The following RERE variants were observed in gnomAD, a reference collection of about 807,000 sequenced individuals.
RERE encodes the protein arginine-glutamic acid dipeptide repeats.
A neutral mutation model predicts 146.1 loss-of-function variants in RERE; 40 were observed. The ratio of observed to expected loss-of-function variants is 0.27; its 90% CI spans 0.21 to 0.36. The LOEUF is 0.36. Ranked by LOEUF, RERE falls within the 10% of genes least tolerant of loss-of-function variation. RERE has a pLI of 1.00. For synonymous variants in RERE, 1,003 were observed against 866.0 expected (o/e 1.16, Z -2.78); for missense variants, 1,933 against 2,138.7 (o/e 0.90, Z 1.90).
chr1:8,746,625 A>T (rs1640425939), intron 1 of RERE, among the ~76,000 whole-genome samples: 1 of 152,006 alleles, frequency 6.6e-6, no homozygotes, highest in Admixed American at 6.6e-5. Context: ...ACAAAATTCT[A>T]AGTCAAAGAA....
intron 1 of RERE, among the ~76,000 whole-genome samples, chr1:8,774,984 A>C (rs1641037553): frequency 1.0e-5 from 1 of 99,962 alleles, no homozygotes; most frequent in Non-Finnish European, 1.8e-5. Context: ...TTTTTTTTGA[A>C]ACAGTCTCAC....
intron 1 of RERE, among the ~76,000 whole-genome samples, chr1:8,729,264 C>G (rs1369615953): frequency 7.1e-6 from 1 of 141,244 alleles, no homozygotes; most frequent in Non-Finnish European, 1.5e-5. Context: ...CGCTCTGTTG[C>G]CCAGGCTGGA....
Position 8,580,084 on chromosome 1 carries a change from T to G in RERE, c.523-22561A>C, listed in dbSNP as rs531363344. On this transcript the variant is annotated intron_variant, in intron 4 of 22. Coordinates refer to ENST00000400908, the MANE Select transcript of RERE (RefSeq NM_001042681.2). Reference sequence around the variant, plus strand: ...ATCAACAGTAAAATCGAAGGACACTTAGAAAATTAACTGACATTATAGACA... The same window carrying G: ...ATCAACAGTAAAATCGAAGGACACTGAGAAAATTAACTGACATTATAGACA... Among the ~76,000 whole-genome samples the G allele has an allele frequency of 7.9e-4, 120 of 152,304 alleles. 1 individual carries two copies. Among genetic ancestry groups the G allele is most frequent in the African/African-American group, 2.8e-3 (118 of 41,564 alleles).
At chr1:8,437,501 A>G (rs1644186744) in intron 11 of RERE, among the ~76,000 whole-genome samples, 1 of 152,148 alleles carries the variant, frequency 6.6e-6, no homozygotes, top group African/African-American at 2.4e-5. Flanking sequence ...ATCCCCATGC[A>G]GAATGGCTGT....
chr1:8,760,031 T>C (rs571277655), intron 1 of RERE, among the ~76,000 whole-genome samples: 1 of 152,266 alleles, frequency 6.6e-6, no homozygotes, highest in South Asian at 2.1e-4. Flanking sequence ...TTTAGTTTTG[T>C]TTTGTTTTTT....
intron 8 of RERE, among the ~76,000 whole-genome samples, chr1:8,501,223 C>G (rs1454489859): frequency 8.3e-5 from 11 of 131,768 alleles, no homozygotes; most frequent in Non-Finnish European, 3.3e-5. Context: ...GTCAGCCCCC[C>G]GCCCGGCCGG....
chr1:8,359,697 C>G, intron 19 of RERE, 67 bp downstream of exon 19: 1 of 1,538,772 alleles, frequency 6.5e-7, no homozygotes, highest in Non-Finnish European at 8.8e-7. Context: ...GCTCGGTGGC[C>G]CAGCGTGGCT....
chr1:8,583,730 T>C (rs1007626236), intron 4 of RERE, among the ~76,000 whole-genome samples: 2 of 151,496 alleles, frequency 1.3e-5, no homozygotes, highest in Non-Finnish European at 2.9e-5. Context: ...AAAAAGAAGA[T>C]CCAAATGAAA....
chr1:8,807,526 A>G (rs1401582068), intron 1 of RERE, among the ~76,000 whole-genome samples: 1 of 152,058 alleles, frequency 6.6e-6, no homozygotes, highest in Non-Finnish European at 1.5e-5. Context: ...CCAGACCAAC[A>G]AGAGGTCTTG....
chr1:8,752,412 G>A (rs1640558156), intron 1 of RERE, among the ~76,000 whole-genome samples: 1 of 151,968 alleles, frequency 6.6e-6, no homozygotes, highest in African/African-American at 2.4e-5. Flanking sequence ...GATACGGAAG[G>A]CATTAAACTA....
At chr1:8,786,437 A>G in intron 1 of RERE, 1 of 883,396 alleles carries the variant, frequency 1.1e-6, no homozygotes, top group East Asian at 2.4e-5. Context: ...TTATCTGTCA[A>G]AGCAATTTGT....
rs752625239 is a variant in RERE at position 8,360,287 on chromosome 1, C to T, written c.3220G>A (p.Ala1074Thr). ...CCCGCTATGCTGCCTCCTGAAGCCGCCGCACCAGAGCAGGGTGGCTGGGCC... is the reference window on the plus strand; with the variant it reads ...CCCGCTATGCTGCCTCCTGAAGCCGTCGCACCAGAGCAGGGTGGCTGGGCC... The part of the protein sequence containing the change: ...TSAQPPCSGA[A>T]ASGGSIAGGS... Residue 1074 changes from alanine (A) to threonine (T), a missense_variant, in exon 18 of 23, where the codon GCG becomes ACG. Ala to Thr is a moderately conservative substitution (Grantham distance 58). Coordinates refer to ENST00000400908, the MANE Select transcript of RERE (RefSeq NM_001042681.2). 1.3e-6 allele frequency: 2 copies of T among 1,560,368 alleles called. No homozygotes were observed. Among genetic ancestry groups the T allele is most frequent in the Admixed American group, 3.7e-5 (2 of 53,780 alleles).
At chr1:8,591,597 A>C (rs1018331214) in intron 4 of RERE, among the ~76,000 whole-genome samples, 2 of 152,202 alleles carry the variant, frequency 1.3e-5, no homozygotes, top group African/African-American at 4.8e-5. Flanking sequence ...AATTATCCAC[A>C]GGACGACAAC....
rs574834874 is a variant in RERE, at chr1:8,715,621, C to T, written c.-144-59180G>A. On this transcript the variant is annotated intron_variant, in intron 1 of 22. Coordinates refer to ENST00000400908, the MANE Select transcript of RERE (RefSeq NM_001042681.2). ...AAAGTAGAAGATATATAAAAGGTGA[C>T]GGGCTGGCAAGGAGGCTCACATCTG... Among the ~76,000 whole-genome samples the T allele has an allele frequency of 5.0e-4, 76 of 151,942 alleles. 2 individuals carry two copies. The South Asian group carries it at 0.015, about 30-fold the overall frequency.
intron 11 of RERE, among the ~76,000 whole-genome samples, chr1:8,441,038 A>T (rs1414289700): frequency 6.6e-6 from 1 of 151,446 alleles, no homozygotes; most frequent in Non-Finnish European, 1.5e-5. Flanking sequence ...TTGCTTTATT[A>T]TGTGACCTCA....
Position 8,423,714 on chromosome 1 carries a change from G to A in RERE, c.1204-907C>T. ...GCCGCGGGTGGCTCGGCGTGTGACC[G>A]CGGCGGGGCCGCGCGGCGCGGGGCC... On this transcript the variant is annotated intron_variant, in intron 11 of 22. Transcript: ENST00000400908. The surrounding 1 kb of genome is among the most constrained non-coding windows in gnomAD (Gnocchi z 5.4). 1 of 980,246 alleles carries A rather than the reference G, an allele frequency of 1.0e-6. No individual in the cohort carries two copies. The highest frequency in any genetic ancestry group is 4.7e-5 in the South Asian group (1 of 21,348). The allele number at this position is 980,246 out of a possible 1,614,324, so 60.7% of individuals were successfully genotyped here. A position where few individuals can be genotyped will look rare whatever the true frequency, so the allele number is the denominator to read the frequency against.
rs150497092 is a variant in RERE at position 8,498,732 on chromosome 1, T to TATATACACACACAC, written c.880-1204_880-1203insGTGTGTGTGTATAT. On this transcript the variant is annotated intron_variant, in intron 8 of 22. Transcript: ENST00000400908. ...AAATAAAAAAAAAAAAATAAATATA[T>TATATACACACACAC]ACACACACACACACACACACACACA... 1.0e-3 allele frequency among the ~76,000 whole-genome samples: 112 copies of TATATACACACACAC among 107,826 alleles called. 2 individuals are homozygous for TATATACACACACAC. Among genetic ancestry groups the TATATACACACACAC allele is most frequent in the Non-Finnish European group, 1.4e-3 (79 of 56,750 alleles). The allele number at this position is 107,826 out of a possible 152,430, so 70.7% of individuals were successfully genotyped here.
intron 8 of RERE, among the ~76,000 whole-genome samples, 198 bp downstream of exon 8, chr1:8,508,429 C>T (rs533982900): frequency 6.6e-6 from 1 of 152,274 alleles, no homozygotes; most frequent in South Asian, 2.1e-4. Flanking sequence ...ATGTACTTAA[C>T]TACTGAACTT....
rs943303721 is a variant in RERE, at chr1:8,744,348, C to T, written c.-145+72812G>A. Reference sequence around the variant, plus strand: ...TCCATATGTGGGTAGTAACGATTTACACCACACCACTTATAACATTATGAG... The same window carrying T: ...TCCATATGTGGGTAGTAACGATTTATACCACACCACTTATAACATTATGAG... On this transcript the variant is annotated intron_variant, in intron 1 of 22. Transcript: ENST00000400908. 4.6e-5 allele frequency among the ~76,000 whole-genome samples: 7 copies of T among 152,312 alleles called. No homozygotes were observed. The South Asian group carries it at 6.2e-4, about 14-fold the overall frequency.
Sources: gnomAD v4.1 joint callset for allele counts (sites outside exome capture counted in the v4.1 genomes callset) on GRCh38, gnomAD v4.1.1 for gene constraint, Gnocchi (gnomAD v3.1) non-coding constraint, MANE v1.5 for transcripts, NCBI Gene and HGNC (gene_info 2026-07-23, HGNC 2026-07-21) for gene names.